Variants in C1RL observed in about 807,000 individuals in gnomAD.
The protein encoded by C1RL is complement C1r subcomponent-like protein.
In C1RL, 27 loss-of-function variants were observed where a neutral mutation model predicts 27.9. The ratio of observed to expected loss-of-function variants is 0.97; its 90% confidence interval spans 0.71 to 1.33. The LOEUF is 1.33. Ranked by LOEUF, C1RL falls within the 40% of genes most tolerant of loss-of-function variation. C1RL has a pLI of 0.00. For missense variants in C1RL, 563 were observed against 623.9 expected, an observed-to-expected ratio of 0.90 and a Z score of 1.04; for synonymous variants, 248 against 252.1, an observed-to-expected ratio of 0.98 and a Z score of 0.15.
Position 7,096,552 on chromosome 12 carries a change from C to T in C1RL, c.1303G>A (p.Asp435Asn). 1 of 1,614,170 alleles carries T rather than the reference C, an allele frequency of 6.2e-7. No homozygotes were observed. Among genetic ancestry groups the T allele is most frequent in the Middle Eastern group, 1.6e-4 (1 of 6,062 alleles). ...CATACCACATAGACGCTGCCACTGT[C>T]CCCCTGGCAGACACTGTGCCTTTGC... ...ETQRHSVCQGDSGSVYVVWDN... is the reference protein window; with the variant it reads ...ETQRHSVCQGNSGSVYVVWDN... The change falls in exon 6 of 6, where the codon GAC (aspartate) becomes AAC (asparagine). Residue 435 changes from aspartate (D) to asparagine (N), a missense_variant. Physicochemically the swap from Asp to Asn is conservative, Grantham distance 23. Transcript: ENST00000266542.
In C1RL at chr12:7,109,200, A is replaced by G. The variant is rs1224367965; in HGVS notation, c.-20T>C. 6.4e-7 allele frequency: 1 copy of G among 1,572,586 alleles called. No homozygotes were observed. Among genetic ancestry groups the G allele is most frequent in the Non-Finnish European group, 8.7e-7 (1 of 1,148,824 alleles). On this transcript the variant is annotated 5_prime_UTR_variant, in exon 1 of 6. Transcript: ENST00000266542. ...AGGCATCTGGAACTGGACATCTGGGACCTGCGAGAGAACTGGCCCAGGATA... is the reference window on the plus strand; with the variant it reads ...AGGCATCTGGAACTGGACATCTGGGGCCTGCGAGAGAACTGGCCCAGGATA...
chr12:7,108,521 G>T (rs778874669), intron 1 of C1RL, 42 bp from the exon 2 acceptor site: 1 of 1,501,672 alleles, frequency 6.7e-7, no homozygotes, highest in South Asian at 1.3e-5. Context: ...GCGCAGCTAT[G>T]GCCGGAAGCC....
At chr12:7,103,504 T>C (rs1268812723) in intron 2 of C1RL, among the ~76,000 whole-genome samples, 1 of 152,224 alleles carries the variant, frequency 6.6e-6, no homozygotes, top group African/African-American at 2.4e-5. Flanking sequence ...GTGGTGAGGA[T>C]GGATACTCAA....
At chr12:7,097,255 A>G (rs1938474219) in intron 5 of C1RL, 92 bp from the exon 6 acceptor site, 9 of 1,118,582 alleles carry the variant, frequency 8.0e-6, no homozygotes, top group Non-Finnish European at 1.1e-5. Flanking sequence ...GTGGTAGGGG[A>G]CGCGTGAAGA....
chr12:7,108,991 GGGGGGGGGGGA>G (rs761903799), intron 1 of C1RL, 108 bp downstream of exon 1: 31 of 240,402 alleles, frequency 1.3e-4, no homozygotes, highest in Non-Finnish European at 1.5e-4. Flanking sequence ...GTGTGTGTGG[GGGGGGGGGGGA>G]TGTGTGTGTG....
chr12:7,108,977 GTGTGTGTGTGT>G (rs1938855485), intron 1 of C1RL, 122 bp downstream of exon 1: 99 of 176,908 alleles, frequency 5.6e-4, no homozygotes, highest in African/African-American at 1.9e-3. Flanking sequence ...GTGTGTGTGT[GTGTGTGTGTGT>G]GGGGGGGGGG....
chr12:7,107,861 T>G (rs1207171962), intron 2 of C1RL, among the ~76,000 whole-genome samples: 4 of 152,256 alleles, frequency 2.6e-5, no homozygotes. Context: ...TGACTTAATC[T>G]TTTGTTATTA....
intron 3 of C1RL, 35 bp from the exon 4 acceptor site, chr12:7,100,061 A>G (rs1444257148): frequency 3.2e-6 from 5 of 1,581,612 alleles, no homozygotes; most frequent in East Asian, 4.6e-5. Flanking sequence ...AGACTTGCCA[A>G]CTGGCAACCC....
At position 7,096,367 on chromosome 12, in the gene C1RL, C is replaced by A; in HGVS notation, c.*24G>T. ...TGCCTGGGGCCTCCACTGTGCTGGT[C>A]AGTCCCTGTTCAAGCCCCCAGGGTC... On this transcript the variant is annotated 3_prime_UTR_variant, in exon 6 of 6. Transcript: ENST00000266542. 7.5e-7 allele frequency: 1 copy of A among 1,329,874 alleles called. No homozygotes were observed. Among genetic ancestry groups the A allele is most frequent in the South Asian group, 1.2e-5 (1 of 81,678 alleles). The allele number at this position is 1,329,874 out of a possible 1,614,324, so 82.4% of individuals were successfully genotyped here. A position where few individuals can be genotyped will look rare whatever the true frequency, so the allele number is the denominator to read the frequency against.
In C1RL at chr12:7,094,616, T is replaced by C. The variant is rs1014772134; in HGVS notation, c.*1775A>G. 1.0e-6 allele frequency: 1 copy of C among 967,316 alleles called. No homozygotes were observed. Among genetic ancestry groups the C allele is most frequent in the African/African-American group, 1.8e-5 (1 of 56,962 alleles). 59.9% of individuals were successfully genotyped at this position (967,316 alleles called of 1,614,324 possible). On this transcript the variant is annotated 3_prime_UTR_variant, in exon 6 of 6. Coordinates refer to ENST00000266542, the MANE Select transcript of C1RL (RefSeq NM_016546.4). ...AAACTCATATCATTTTTTGCAATCATAAAAATAAGCAAAATAAAATAAAAA... is the reference window on the plus strand; with the variant it reads ...AAACTCATATCATTTTTTGCAATCACAAAAATAAGCAAAATAAAATAAAAA...
chr12:7,100,330 C>T (rs1169739546), intron 3 of C1RL, among the ~76,000 whole-genome samples: 2 of 152,126 alleles, frequency 1.3e-5, no homozygotes, highest in African/African-American at 4.8e-5. Flanking sequence ...TATTTTTTAA[C>T]CTACTCCATT....
rs1180325788 is a variant in C1RL, at chr12:7,099,225, C to CAAAAAAAAAAAAAAAAAAAAAAAAAA, written c.691+435_691+460dup. Among the ~76,000 whole-genome samples the CAAAAAAAAAAAAAAAAAAAAAAAAAA allele has an allele frequency of 1.8e-4, 8 of 44,372 alleles. 1 individual carries two copies. The highest frequency in any genetic ancestry group is 6.8e-4 in the African/African-American group (8 of 11,812). 29.1% of individuals were successfully genotyped at this position (44,372 alleles called of 152,430 possible). A position where few individuals can be genotyped will look rare whatever the true frequency, so the allele number is the denominator to read the frequency against. ...GGGCGACAAGAGAGAAACTCCATCC[C>CAAAAAAAAAAAAAAAAAAAAAAAAAA]AAAAAAAAAAAAAAAAAAAAAAAAA... On this transcript the variant is annotated intron_variant, in intron 5 of 5. Transcript: ENST00000266542.
chr12:7,096,622 T>A lies in C1RL; in HGVS notation c.1233A>T (p.Arg411Ser), dbSNP rs758506687. 1 of 1,614,084 alleles carries A rather than the reference T, an allele frequency of 6.2e-7. No homozygotes were observed. Among genetic ancestry groups the A allele is most frequent in the Non-Finnish European group, 8.5e-7 (1 of 1,180,012 alleles). ...ACATATTGTCAGAAAACACCTCGGG[T>A]CTCTGTCTCTTTTGGAGCCAGGCGT... ...ACNAWLQKRQRPEVFSDNMFC... is the reference protein window; with the variant it reads ...ACNAWLQKRQSPEVFSDNMFC... Residue 411 changes from arginine (R) to serine (S), a missense_variant, in exon 6 of 6, where the codon AGA becomes AGT. Coordinates refer to ENST00000266542, the MANE Select transcript of C1RL (RefSeq NM_016546.4).
Position 7,095,550 on chromosome 12 carries a change from T to TG in C1RL, c.*840dup. ...GGGCTCACCTGGCTTCTGCAGGAGATGGGGCCATTAGGAAAGTGTGAGCTA... is the reference window on the plus strand; with the variant it reads ...GGGCTCACCTGGCTTCTGCAGGAGATGGGGGCCATTAGGAAAGTGTGAGCTA... On this transcript the variant is annotated 3_prime_UTR_variant, in exon 6 of 6. Coordinates refer to ENST00000266542, the MANE Select transcript of C1RL (RefSeq NM_016546.4). 1.0e-6 allele frequency: 1 copy of TG among 985,924 alleles called. No individual in the cohort carries two copies. The highest frequency in any genetic ancestry group is 1.2e-6 in the Non-Finnish European group (1 of 830,314). The allele number at this position is 985,924 out of a possible 1,614,324, so 61.1% of individuals were successfully genotyped here.
At position 7,095,440 on chromosome 12, in the gene C1RL, T is replaced by TA; in HGVS notation, c.*950dup. The TA allele has an allele frequency of 4.0e-6, 4 of 998,668 alleles. No individual in the cohort carries two copies. Among genetic ancestry groups the TA allele is most frequent in the Non-Finnish European group, 4.8e-6 (4 of 837,276 alleles). 61.9% of individuals were successfully genotyped at this position (998,668 alleles called of 1,614,324 possible). A position where few individuals can be genotyped will look rare whatever the true frequency, so the allele number is the denominator to read the frequency against. On this transcript the variant is annotated 3_prime_UTR_variant, in exon 6 of 6. Coordinates refer to ENST00000266542, the MANE Select transcript of C1RL (RefSeq NM_016546.4). Reference sequence around the variant, plus strand: ...ATCACCTCCAGGTTTTACTAAAAATTAAAGAGTTGGTCCTCTCAGGTGGAG... The same window carrying TA: ...ATCACCTCCAGGTTTTACTAAAAATTAAAAGAGTTGGTCCTCTCAGGTGGAG...
chr12:7,104,351 G>A lies in C1RL; in HGVS notation c.301-2264C>T, dbSNP rs1342425283. On this transcript the variant is annotated intron_variant, in intron 2 of 5. Coordinates refer to ENST00000266542, the MANE Select transcript of C1RL (RefSeq NM_016546.4). The surrounding 1 kb of genome is among the most constrained non-coding windows in gnomAD (Gnocchi z 5.4). Reference sequence around the variant, plus strand: ...AGAAACCCTGGACTTGAGGCCCCGCGGCACACTTGATAGAGGGGGCGAAGG... The same window carrying A: ...AGAAACCCTGGACTTGAGGCCCCGCAGCACACTTGATAGAGGGGGCGAAGG... Among the ~76,000 whole-genome samples, 1 of 152,178 alleles carries A rather than the reference G, an allele frequency of 6.6e-6. No homozygotes were observed. The highest frequency in any genetic ancestry group is 2.4e-5 in the African/African-American group (1 of 41,450).
Position 7,096,985 on chromosome 12 carries a change from A to G in C1RL, c.870T>C (p.Ser290=). ...TAAHTIYPKD[S]VSLRKNQSVN... ...CACTCTGGTTCTTCCTGAGAGAAAC[A>G]CTGTCCTTGGGGTAGATGGTGTGGG... The change falls in exon 6 of 6, where the codon AGT becomes AGC. Residue 290 remains serine, a synonymous_variant. Coordinates refer to ENST00000266542, the MANE Select transcript of C1RL (RefSeq NM_016546.4). 6.2e-7 allele frequency: 1 copy of G among 1,614,138 alleles called. No homozygotes were observed. The highest frequency in any genetic ancestry group is 8.5e-7 in the Non-Finnish European group (1 of 1,180,008).
Position 7,096,391 on chromosome 12 carries a change from T to G in C1RL, c.1464A>C (p.Ter488CysextTer99). 1 of 1,540,408 alleles carries G rather than the reference T, an allele frequency of 6.5e-7. No individual in the cohort carries two copies. The highest frequency in any genetic ancestry group is 8.8e-7 in the Non-Finnish European group (1 of 1,135,916). The change falls in exon 6 of 6, where the codon TGA becomes TGC. Residue 488 changes from the stop codon to cysteine (C), a stop_lost. Transcript: ENST00000266542. ...TCAGTCCCTGTTCAAGCCCCCAGGGTCAATTCTTGCCATTCATCACTCCCT... is the reference window on the plus strand; with the variant it reads ...TCAGTCCCTGTTCAAGCCCCCAGGGGCAATTCTTGCCATTCATCACTCCCT... ...WIKGVMNGKN* is the reference protein window; with the variant it reads ...WIKGVMNGKNC
chr12:7,097,551 G>C (rs1270484488), intron 5 of C1RL, among the ~76,000 whole-genome samples: 1 of 152,118 alleles, frequency 6.6e-6, no homozygotes, highest in Non-Finnish European at 1.5e-5. Flanking sequence ...CAAAGTGCTG[G>C]GATTACAGGC....
Sources: allele counts gnomAD v4.1 joint callset (sites outside exome capture counted in the v4.1 genomes callset), GRCh38; gene constraint gnomAD v4.1.1; non-coding constraint Gnocchi (gnomAD v3.1); transcripts MANE v1.5; gene names NCBI Gene and HGNC (gene_info 2026-07-23, HGNC 2026-07-21).